Variants in ADAP2 observed in about 807,000 individuals in gnomAD.
The protein encoded by ADAP2 is ArfGAP with dual PH domains 2, also known as arf-GAP with dual PH domain-containing protein 2.
A neutral mutation model predicts 54.9 loss-of-function variants in ADAP2; 42 were observed. The ratio of observed to expected loss-of-function variants is 0.77; its 90% confidence interval spans 0.60 to 0.99. The LOEUF is 0.99. ADAP2 is among the 50% of genes least tolerant of loss of function. The probability of loss-of-function intolerance (pLI) is 0.00; values close to 1 mark genes in which losing one functional copy is unlikely to be tolerated. For missense variants in ADAP2, 429 were observed against 480.4 expected (o/e 0.89, Z 1.00); for synonymous variants, 177 against 180.1 (o/e 0.98, Z 0.14).
chr17:30,943,311 G>A (rs1912408185), intron 5 of ADAP2, among the ~76,000 whole-genome samples: 2 of 151,576 alleles, frequency 1.3e-5, no homozygotes, highest in South Asian at 4.2e-4. Flanking sequence ...GTTGCAGTGA[G>A]CTGAGATCAC....
chr17:30,950,415 G>A (rs938544083), intron 7 of ADAP2, among the ~76,000 whole-genome samples: 2 of 152,140 alleles, frequency 1.3e-5, no homozygotes, highest in Non-Finnish European at 2.9e-5. Flanking sequence ...CTTGCTGTGT[G>A]ACCCCTGCAG....
At chr17:30,945,653 G>A (rs935781243) in intron 6 of ADAP2, among the ~76,000 whole-genome samples, 1 of 151,998 alleles carries the variant, frequency 6.6e-6, no homozygotes, top group African/African-American at 2.4e-5. Context: ...CTACTTGGGA[G>A]GCTGAGGTGA....
At chr17:30,931,215 G>A (rs1357573405) in intron 3 of ADAP2, among the ~76,000 whole-genome samples, 1 of 152,118 alleles carries the variant, frequency 6.6e-6, no homozygotes, top group Non-Finnish European at 1.5e-5. Context: ...TTGACCTAGA[G>A]AGCTGATACT....
chr17:30,943,658 C>T (rs1912435531), intron 5 of ADAP2, among the ~76,000 whole-genome samples: 1 of 151,402 alleles, frequency 6.6e-6, no homozygotes, highest in Non-Finnish European at 1.5e-5. Flanking sequence ...AACAGCCTGA[C>T]CAACATGGTC....
intron 3 of ADAP2, among the ~76,000 whole-genome samples, chr17:30,927,590 GGGCAACACAGCGAGACTCC>G (rs1315189656): frequency 6.6e-6 from 1 of 151,268 alleles, no homozygotes; most frequent in Non-Finnish European, 1.5e-5. Context: ...ACTCCAGCCT[GGGCAACACAGCGAGACTCC>G]GGCTCAAAAA....
chr17:30,928,119 G>A (rs370780629), intron 3 of ADAP2, among the ~76,000 whole-genome samples: 1 of 150,086 alleles, frequency 6.7e-6, no homozygotes, highest in African/African-American at 2.5e-5. Flanking sequence ...GTTTGAACCC[G>A]GAGGCAGAGG....
chr17:30,951,817 G>A lies in ADAP2; in HGVS notation c.742-1471G>A, dbSNP rs374228473. Among the ~76,000 whole-genome samples, 580 of 151,578 alleles carry A rather than the reference G, an allele frequency of 3.8e-3. 10 individuals carry two copies. The highest frequency in any genetic ancestry group is 0.013 in the African/African-American group (554 of 41,322). On this transcript the variant is annotated intron_variant, in intron 7 of 10. Coordinates refer to ENST00000330889, the MANE Select transcript of ADAP2 (RefSeq NM_018404.3). Reference sequence around the variant, plus strand: ...ACTACAGGCGCTCGCCACTGCACCCGGCTACTTTTTTGTATTTTTAGTGGA... The same window carrying A: ...ACTACAGGCGCTCGCCACTGCACCCAGCTACTTTTTTGTATTTTTAGTGGA...
intron 5 of ADAP2, among the ~76,000 whole-genome samples, chr17:30,938,373 A>G (rs1912036817): frequency 6.6e-6 from 1 of 152,174 alleles, no homozygotes; most frequent in African/African-American, 2.4e-5. Context: ...AAACAAAAGC[A>G]AATGCTACCA....
chr17:30,959,021 T>G lies in ADAP2; in HGVS notation c.*1152T>G, dbSNP rs896923388. ...GATAGGGAGGTGAGTCCTCTCTATC[T>G]CCTCTGGCTCTGGAAGCACCTTGAA... On this transcript the variant is annotated 3_prime_UTR_variant, in exon 11 of 11. Coordinates refer to ENST00000330889, the MANE Select transcript of ADAP2 (RefSeq NM_018404.3). 2 of 152,140 alleles carry G rather than the reference T, an allele frequency of 1.3e-5. No homozygotes were observed. Among genetic ancestry groups the G allele is most frequent in the African/African-American group, 4.8e-5 (2 of 41,426 alleles). The allele number at this position is 152,140 out of a possible 1,614,324, so 9.4% of individuals were successfully genotyped here.
Position 30,922,074 on chromosome 17 carries a change from A to G in ADAP2, c.60A>G (p.Thr20=). 1 of 1,269,732 alleles carries G rather than the reference A, an allele frequency of 7.9e-7. No homozygotes were observed. Among genetic ancestry groups the G allele is most frequent in the Non-Finnish European group, 9.9e-7 (1 of 1,012,062 alleles). 78.7% of individuals were successfully genotyped at this position (1,269,732 alleles called of 1,614,324 possible). A position where few individuals can be genotyped will look rare whatever the true frequency, so the allele number is the denominator to read the frequency against. ...RLLELLRAPD[T]GNAHCADCGA... is the part of the protein sequence containing the mutation. ...TGGAGCTGCTGCGGGCGCCGGACAC[A>G]GGCAACGCGCACTGCGCCGACTGCG... is the stretch of plus-strand genomic sequence containing the variant. The change falls in exon 1 of 11, where the codon ACA becomes ACG. Residue 20 remains threonine (T), a synonymous_variant. Transcript: ENST00000330889.
At chr17:30,948,409 A>AC (rs1904328083) in intron 6 of ADAP2, among the ~76,000 whole-genome samples, 1 of 81,952 alleles carries the variant, frequency 1.2e-5, no homozygotes, top group Admixed American at 1.3e-4. Context: ...CTAAAAATAC[A>AC]AAAAAAAAAA....
At chr17:30,928,851 C>T (rs991045760) in intron 3 of ADAP2, among the ~76,000 whole-genome samples, 8 of 152,190 alleles carry the variant, frequency 5.3e-5, no homozygotes, top group Non-Finnish European at 1.2e-4. Flanking sequence ...GGGACTTAGA[C>T]TCCCCACCAG....
At position 30,958,796 on chromosome 17, in the gene ADAP2, A is replaced by AG. The variant is rs1373947848; in HGVS notation, c.*928dup. On this transcript the variant is annotated 3_prime_UTR_variant, in exon 11 of 11. Transcript: ENST00000330889. Reference sequence around the variant, plus strand: ...CCCAGCTACTCCGGACACTGATGTGAGAGGATCACTTGAGCCAGGGAGGTC... The same window carrying AG: ...CCCAGCTACTCCGGACACTGATGTGAGGAGGATCACTTGAGCCAGGGAGGTC... 2 of 152,000 alleles carry AG rather than the reference A, an allele frequency of 1.3e-5. No individual in the cohort carries two copies. Among genetic ancestry groups the AG allele is most frequent in the Non-Finnish European group, 2.9e-5 (2 of 68,038 alleles). 9.4% of individuals were successfully genotyped at this position (152,000 alleles called of 1,614,324 possible).
At chr17:30,947,377 A>G (rs1699967913) in intron 6 of ADAP2, among the ~76,000 whole-genome samples, 1 of 151,796 alleles carries the variant, frequency 6.6e-6, no homozygotes, top group Non-Finnish European at 1.5e-5. Flanking sequence ...TTTTTGAGAC[A>G]GAGTCTCGCT....
Position 30,922,930 on chromosome 17 carries a change from T to C in ADAP2, c.95-10T>C, listed in dbSNP as rs1224326247. 1.2e-6 allele frequency: 2 copies of C among 1,613,206 alleles called. No homozygotes were observed. The highest frequency in any genetic ancestry group is 1.1e-5 in the South Asian group (1 of 91,002). ...TCCGCTCAGCTCCTCTCCTGCCTCA[T>C]CCCCTGCAGATCCCGACTGGGCCTC... On this transcript the variant is annotated splice_polypyrimidine_tract_variant and intron_variant, in intron 1 of 10. Coordinates refer to ENST00000330889, the MANE Select transcript of ADAP2 (RefSeq NM_018404.3).
At chr17:30,951,756 C>T (rs961206953) in intron 7 of ADAP2, among the ~76,000 whole-genome samples, 2 of 151,180 alleles carry the variant, frequency 1.3e-5, no homozygotes, top group African/African-American at 4.9e-5. Flanking sequence ...CCCAGGTTCA[C>T]GCCATTCTCC....
chr17:30,937,073 G>A (rs536979556), intron 5 of ADAP2, among the ~76,000 whole-genome samples: 62 of 151,804 alleles, frequency 4.1e-4, no homozygotes, highest in African/African-American at 9.9e-4. Flanking sequence ...GATTACAGGC[G>A]CGCACCACCA....
Position 30,921,976 on chromosome 17 carries a change from G to GGCCATGGGCTGAGCCCCGCTGAGCCC in ADAP2, c.-35_-10dup. ...CTCCACCTGCCGGGCGGAGCGCACG[G>GGCCATGGGCTGAGCCCCGCTGAGCCC]GCCATGGGCTGAGCCCCGCTGAGCC... On this transcript the variant is annotated 5_prime_UTR_variant, in exon 1 of 11. In the 5' UTR this introduces an upstream ATG that the reference lacks. Coordinates refer to ENST00000330889, the MANE Select transcript of ADAP2 (RefSeq NM_018404.3). The GGCCATGGGCTGAGCCCCGCTGAGCCC allele has an allele frequency of 8.1e-7, 1 of 1,240,252 alleles. No homozygotes were observed. Among genetic ancestry groups the GGCCATGGGCTGAGCCCCGCTGAGCCC allele is most frequent in the African/African-American group, 1.6e-5 (1 of 63,818 alleles). 76.8% of individuals were successfully genotyped at this position (1,240,252 alleles called of 1,614,324 possible). A position where few individuals can be genotyped will look rare whatever the true frequency, so the allele number is the denominator to read the frequency against.
At chr17:30,945,361 T>G (rs1912588407) in intron 6 of ADAP2, among the ~76,000 whole-genome samples, 1 of 152,114 alleles carries the variant, frequency 6.6e-6, no homozygotes, top group South Asian at 2.1e-4. Flanking sequence ...CCAGAGGTTC[T>G]GAATACGGGG....
Sources: gnomAD v4.1 joint callset for allele counts (sites outside exome capture counted in the v4.1 genomes callset) on GRCh38, gnomAD v4.1.1 for gene constraint, MANE v1.5 for transcripts, NCBI Gene and HGNC (gene_info 2026-07-23, HGNC 2026-07-21) for gene names.